Variants in RBFOX1 observed in about 807,000 individuals in gnomAD.
RBFOX1 encodes the protein RNA binding protein fox-1 homolog 1.
In RBFOX1, 8 loss-of-function variants were observed where a neutral mutation model predicts 57.7. The observed-to-expected ratio is 0.14, with a 90% CI of 0.08 to 0.25. RBFOX1 has a LOEUF of 0.25. RBFOX1 is among the 10% of genes least tolerant of loss of function. The pLI is 1.00. For synonymous variants in RBFOX1, 326 were observed against 222.4 expected, an observed-to-expected ratio of 1.47 and a Z score of -4.15; for missense variants, 611 against 548.5, an observed-to-expected ratio of 1.11 and a Z score of -1.14.
At chr16:6,447,844 G>A (rs1567296146) in intron 2 of RBFOX1, among the ~76,000 whole-genome samples, 1 of 152,142 alleles carries the variant, frequency 6.6e-6, no homozygotes, top group Non-Finnish European at 1.5e-5. Flanking sequence ...TTTAAGGAAG[G>A]GGAAAGACAG....
At chr16:7,358,712 G>A (rs898453190) in intron 4 of RBFOX1, among the ~76,000 whole-genome samples, 6 of 152,196 alleles carry the variant, frequency 3.9e-5, no homozygotes, top group Non-Finnish European at 8.8e-5. Flanking sequence ...GAACCACTGC[G>A]CCCAGTCTCT....
At chr16:6,121,252 C>T (rs1567505308) in intron 1 of RBFOX1, among the ~76,000 whole-genome samples, 1 of 152,172 alleles carries the variant, frequency 6.6e-6, no homozygotes, top group Non-Finnish European at 1.5e-5. Context: ...AGACTCTAGA[C>T]TCTGCTTTGA....
intron 4 of RBFOX1, among the ~76,000 whole-genome samples, chr16:7,507,676 G>A (rs1028265215): frequency 7.0e-6 from 1 of 143,688 alleles, no homozygotes; most frequent in African/African-American, 2.6e-5. Flanking sequence ...CCATTCTTCT[G>A]CCTCAACCTC....
At chr16:6,650,540 G>C (rs902361559) in intron 2 of RBFOX1, among the ~76,000 whole-genome samples, 1 of 152,160 alleles carries the variant, frequency 6.6e-6, no homozygotes, top group Non-Finnish European at 1.5e-5. Context: ...CCACTTTGTC[G>C]AATGTTGGTA....
At chr16:6,586,850 G>C (rs1301902239) in intron 2 of RBFOX1, among the ~76,000 whole-genome samples, 1 of 152,048 alleles carries the variant, frequency 6.6e-6, no homozygotes, top group Non-Finnish European at 1.5e-5. Context: ...AAAGGGAAAA[G>C]GTTTCTTCAA....
At chr16:7,101,580 G>A (rs1175193371) in intron 4 of RBFOX1, among the ~76,000 whole-genome samples, 1 of 152,072 alleles carries the variant, frequency 6.6e-6, no homozygotes, top group Non-Finnish European at 1.5e-5. Context: ...TGGTGCTTTT[G>A]GAAAAGATCA....
At chr16:6,016,147 G>T (rs1390038733), upstream of RBFOX1, among the ~76,000 whole-genome samples, 1 of 152,184 alleles carries the variant, frequency 6.6e-6, no homozygotes, top group Non-Finnish European at 1.5e-5. Flanking sequence ...TTGATGTAAA[G>T]ACCTTTTAGT....
intron 4 of RBFOX1, among the ~76,000 whole-genome samples, chr16:7,110,077 T>G (rs1393489055): frequency 6.6e-6 from 1 of 151,400 alleles, no homozygotes; most frequent in Non-Finnish European, 1.5e-5. Flanking sequence ...AATCTCTGTG[T>G]GGTGGCTCAG....
At chr16:6,417,631 C>T (rs1244746638) in intron 2 of RBFOX1, among the ~76,000 whole-genome samples, 1 of 151,242 alleles carries the variant, frequency 6.6e-6, no homozygotes, top group South Asian at 2.1e-4. Flanking sequence ...CTCAGGTGAT[C>T]CACCTACCTC....
intron 4 of RBFOX1, among the ~76,000 whole-genome samples, chr16:5,931,944 A>G (rs2059068069): frequency 6.6e-6 from 1 of 151,846 alleles, no homozygotes; most frequent in Non-Finnish European, 1.5e-5. Flanking sequence ...AGTAGCTGGG[A>G]CAACAAGCAT....
chr16:6,490,852 G>T (rs536872927), intron 2 of RBFOX1, among the ~76,000 whole-genome samples: 2 of 152,292 alleles, frequency 1.3e-5, no homozygotes, highest in African/African-American at 2.4e-5. Flanking sequence ...GAATCCCATT[G>T]CAGAACTGTC....
In RBFOX1 at chr16:6,603,899, T is replaced by A. The variant is rs576692265; in HGVS notation, c.-63-50704T>A. Among the ~76,000 whole-genome samples, 131 of 152,264 alleles carry A rather than the reference T, an allele frequency of 8.6e-4. 1 individual carries two copies. The highest frequency in any genetic ancestry group is 3.0e-3 in the African/African-American group (123 of 41,564). On this transcript the variant is annotated intron_variant, in intron 2 of 15. Transcript: ENST00000550418. ...TGTAGAGTTTTGATCCCACACTTTG[T>A]GATGTGTCTCAGCTCTGGGGCGAGG...
intron 4 of RBFOX1, among the ~76,000 whole-genome samples, chr16:7,261,386 G>C (rs371688619): frequency 1.3e-4 from 20 of 152,192 alleles, no homozygotes; most frequent in Admixed American, 9.2e-4. Flanking sequence ...GCAGCAGAAT[G>C]TGTCCTCCAT....
At chr16:7,027,826 G>C (rs1288904209) in intron 3 of RBFOX1, among the ~76,000 whole-genome samples, 1 of 151,812 alleles carries the variant, frequency 6.6e-6, no homozygotes, top group Non-Finnish European at 1.5e-5. Context: ...AGAAGGGAAG[G>C]AAGGTGGAGG....
chr16:5,931,931 C>T (rs1174054689), intron 4 of RBFOX1, among the ~76,000 whole-genome samples: 1 of 152,232 alleles, frequency 6.6e-6, no homozygotes, highest in East Asian at 1.9e-4. Context: ...CTTCAGCCTC[C>T]CAAGTAGCTG....
Position 5,985,619 on chromosome 16 carries a change from G to C in RBFOX1, c.351+118284G>C, listed in dbSNP as rs566672626. The stretch of plus-strand genomic sequence containing the variant: ...GACTGCCCCAGCAGCCCCCAGGGGA[G>C]GGGGAGCACCTGCCTTTTCTGGGAC... On this transcript the variant is annotated intron_variant, in intron 4 of 19. Coordinates refer to the RBFOX1 transcript ENST00000641259. 2.2e-4 allele frequency among the ~76,000 whole-genome samples: 33 copies of C among 152,312 alleles called. No individual in the cohort carries two copies. In the South Asian group the frequency reaches 3.9e-3, roughly 18 times the overall value.
downstream of RBFOX1, among the ~76,000 whole-genome samples, chr16:5,600,919 G>A (rs914655572): frequency 6.6e-6 from 1 of 152,004 alleles, no homozygotes; most frequent in African/African-American, 2.4e-5. Flanking sequence ...TCCTCATTTT[G>A]TGGCTTAGGA....
intron 3 of RBFOX1, among the ~76,000 whole-genome samples, chr16:6,886,748 C>T (rs2064129060): frequency 8.0e-6 from 1 of 124,414 alleles, no homozygotes; most frequent in South Asian, 3.2e-4. Flanking sequence ...AAGTGAGACT[C>T]TATCTGAAAA....
At chr16:6,593,365 G>A (rs11860265) in intron 2 of RBFOX1, among the ~76,000 whole-genome samples, 9,016 of 152,196 alleles carry the variant, frequency 0.059, 872 homozygotes, top group African/African-American at 0.2. Flanking sequence ...AAATCATGCG[G>A]AATCACAGAG....
Sources: gnomAD v4.1 joint callset for allele counts (sites outside exome capture counted in the v4.1 genomes callset) on GRCh38, gnomAD v4.1.1 for gene constraint, MANE v1.5 for transcripts, NCBI Gene and HGNC (gene_info 2026-07-23, HGNC 2026-07-21) for gene names.